STXBP5L: variants seen among roughly 807,000 people sequenced by gnomAD.
STXBP5L encodes syntaxin binding protein 5L, also known as syntaxin-binding protein 5-like.
STXBP5L carries 65 observed loss-of-function variants against 144.5 expected under a neutral mutation model. That is an observed-to-expected ratio of 0.45 (90% CI 0.37 to 0.55). STXBP5L has a LOEUF of 0.55. Ranked by LOEUF, STXBP5L falls within the 20% of genes least tolerant of loss-of-function variation. The pLI, the probability that STXBP5L is intolerant of heterozygous loss-of-function variation, is 0.00. For synonymous variants in STXBP5L, 505 were observed against 469.6 expected, an observed-to-expected ratio of 1.08 and a Z score of -0.97; for missense variants, 1,298 against 1,405.5, an observed-to-expected ratio of 0.92 and a Z score of 1.22.
chr3:121,154,839 A>C (rs1358753538), intron 8 of STXBP5L, among the ~76,000 whole-genome samples: 2 of 151,750 alleles, frequency 1.3e-5, no homozygotes, highest in African/African-American at 4.8e-5. Flanking sequence ...TTGTTTAGTT[A>C]ATTCAGTTTA....
At chr3:121,058,044 G>T (rs769839383) in intron 5 of STXBP5L, among the ~76,000 whole-genome samples, 1 of 152,008 alleles carries the variant, frequency 6.6e-6, no homozygotes, top group Non-Finnish European at 1.5e-5. Flanking sequence ...TGTTACATAG[G>T]TATACAAGTG....
In STXBP5L at chr3:121,422,220, T is replaced by C. The variant is rs1256362926; in HGVS notation, c.*3123T>C. The C allele has an allele frequency of 6.6e-6, 1 of 152,176 alleles. No homozygotes were observed. Among genetic ancestry groups the C allele is most frequent in the East Asian group, 1.9e-4 (1 of 5,198 alleles). 9.4% of individuals were successfully genotyped at this position (152,176 alleles called of 1,614,324 possible). ...AGTCTCATCTTTACTATCTTTCTTC[T>C]ATTTCGGAACATAAGAAAAATACTC... On this transcript the variant is annotated 3_prime_UTR_variant, in exon 27 of 27. Coordinates refer to ENST00000471454, the MANE Select transcript of STXBP5L (RefSeq NM_001308330.2).
At chr3:120,999,666 G>A (rs563827411) in intron 3 of STXBP5L, among the ~76,000 whole-genome samples, 1 of 152,104 alleles carries the variant, frequency 6.6e-6, no homozygotes, top group South Asian at 2.1e-4. Flanking sequence ...TTGCTTTATA[G>A]CGTCAATGGT....
At chr3:120,971,103 G>T (rs555987111) in intron 3 of STXBP5L, among the ~76,000 whole-genome samples, 2 of 152,240 alleles carry the variant, frequency 1.3e-5, no homozygotes, top group South Asian at 2.1e-4. Context: ...TTATTTCTCT[G>T]TAGGGGGGAG....
intron 22 of STXBP5L, among the ~76,000 whole-genome samples, chr3:121,394,609 T>TG (rs2046680470): frequency 7.0e-6 from 1 of 142,070 alleles, no homozygotes; most frequent in African/African-American, 2.7e-5. Context: ...AGGGTTTTTT[T>TG]TTTTTTTTTT....
At chr3:121,387,543 A>G (rs907355881) in intron 22 of STXBP5L, among the ~76,000 whole-genome samples, 1 of 152,194 alleles carries the variant, frequency 6.6e-6, no homozygotes, top group African/African-American at 2.4e-5. Context: ...TTTAGGTTTA[A>G]CATTTAAGTC....
At chr3:121,006,110 T>C (rs1195763353) in intron 3 of STXBP5L, among the ~76,000 whole-genome samples, 2 of 152,154 alleles carry the variant, frequency 1.3e-5, no homozygotes, top group Non-Finnish European at 2.9e-5. Flanking sequence ...GTATCCTTGT[T>C]AACTTTCTGT....
chr3:121,020,281 C>T (rs754781552), intron 3 of STXBP5L, among the ~76,000 whole-genome samples: 20 of 151,848 alleles, frequency 1.3e-4, no homozygotes, highest in African/African-American at 1.9e-4. Context: ...ATGGTCAAAC[C>T]GAAAAATATT....
At chr3:121,073,216 G>A (rs969093543) in intron 5 of STXBP5L, among the ~76,000 whole-genome samples, 1 of 152,174 alleles carries the variant, frequency 6.6e-6, no homozygotes, top group Non-Finnish European at 1.5e-5. Flanking sequence ...ACACAATGGG[G>A]CTTTCCGTGC....
intron 4 of STXBP5L, 66 bp from the exon 5 acceptor site, chr3:121,045,369 G>T (rs568682768): frequency 7.0e-7 from 1 of 1,433,338 alleles, no homozygotes; most frequent in South Asian, 1.3e-5. Flanking sequence ...AAATTAGCTT[G>T]TTTGTGATTA....
intron 20 of STXBP5L, among the ~76,000 whole-genome samples, chr3:121,328,785 A>G (rs191485404): frequency 6.6e-6 from 1 of 152,046 alleles, no homozygotes; most frequent in Non-Finnish European, 1.5e-5. Context: ...GCTTCGCTTC[A>G]TAAATGCTAG....
At chr3:121,314,628 AGG>A (rs2043713961) in intron 19 of STXBP5L, among the ~76,000 whole-genome samples, 1 of 151,294 alleles carries the variant, frequency 6.6e-6, no homozygotes. Context: ...GGAGAGGGAG[AGG>A]GAGAGCGTAA....
intron 20 of STXBP5L, among the ~76,000 whole-genome samples, chr3:121,322,436 C>G (rs978842939): frequency 1.3e-4 from 20 of 148,600 alleles, no homozygotes; most frequent in Non-Finnish European, 3.0e-4. Context: ...TGAGATAGTA[C>G]CATTGCACTC....
intron 3 of STXBP5L, among the ~76,000 whole-genome samples, chr3:120,960,331 C>G (rs1293431615): frequency 6.6e-6 from 1 of 152,064 alleles, no homozygotes; most frequent in Non-Finnish European, 1.5e-5. Context: ...CTAGTTCAAC[C>G]ATTGTGGAAG....
intron 20 of STXBP5L, among the ~76,000 whole-genome samples, chr3:121,373,426 G>A (rs907438083): frequency 1.4e-4 from 22 of 152,292 alleles, no homozygotes; most frequent in African/African-American, 5.3e-4. Context: ...GGACCTCTGG[G>A]ACCCAAGCTG....
At chr3:121,332,162 A>T (rs1237748944) in intron 20 of STXBP5L, among the ~76,000 whole-genome samples, 1 of 152,018 alleles carries the variant, frequency 6.6e-6, no homozygotes, top group African/African-American at 2.4e-5. Flanking sequence ...AGAAGGAACC[A>T]GAAAAATAAT....
intron 20 of STXBP5L, among the ~76,000 whole-genome samples, chr3:121,339,611 G>A (rs958913454): frequency 1.3e-5 from 2 of 151,728 alleles, no homozygotes; most frequent in African/African-American, 4.8e-5. Context: ...AAAAGAGGAA[G>A]TCAAACTATT....
intron 3 of STXBP5L, among the ~76,000 whole-genome samples, chr3:121,023,673 C>G (rs998549455): frequency 1.3e-5 from 2 of 152,116 alleles, no homozygotes; most frequent in African/African-American, 4.8e-5. Flanking sequence ...ATTGGCAAGC[C>G]AGGTGTATAA....
rs2046801159 is a variant in STXBP5L at position 121,173,320 on chromosome 3, AAATATAATAATAAT to A, written c.877+15698_877+15711del. Among the ~76,000 whole-genome samples the A allele has an allele frequency of 5.7e-5, 4 of 70,754 alleles. No individual in the cohort carries two copies. The South Asian group carries it at 2.8e-3, about 49-fold the overall frequency. The allele number at this position is 70,754 out of a possible 152,430, so 46.4% of individuals were successfully genotyped here. A position where few individuals can be genotyped will look rare whatever the true frequency, so the allele number is the denominator to read the frequency against. On this transcript the variant is annotated intron_variant, in intron 9 of 26. Coordinates refer to ENST00000471454, the MANE Select transcript of STXBP5L (RefSeq NM_001308330.2). ...CTTTGTGCATTTATCCCAGAACTTA[AAATATAATAATAAT>A]AATAATAATAATAATAATGATAATA...
Sources: allele counts gnomAD v4.1 joint callset (sites outside exome capture counted in the v4.1 genomes callset), GRCh38; gene constraint gnomAD v4.1.1; transcripts MANE v1.5; gene names NCBI Gene and HGNC (gene_info 2026-07-23, HGNC 2026-07-21).